The following LCORL variants were observed in gnomAD, a reference collection of about 807,000 sequenced individuals.
LCORL encodes the protein ligand dependent nuclear receptor corepressor like.
A neutral mutation model predicts 141.8 loss-of-function variants in LCORL; 41 were observed. That is an observed-to-expected ratio of 0.29 (90% CI 0.23 to 0.38). The LOEUF is 0.38. LCORL is among the 10% of genes least tolerant of loss of function. The pLI, the probability that LCORL is intolerant of heterozygous loss-of-function variation, is 1.00. For synonymous variants in LCORL, 618 were observed against 694.1 expected (o/e 0.89, Z 1.72); for missense variants, 1,759 against 2,035.0 (o/e 0.86, Z 2.61).
chr4:17,962,370 CTAAT>C (rs1238566903), intron 3 of LCORL, among the ~76,000 whole-genome samples: 3 of 151,976 alleles, frequency 2.0e-5, no homozygotes, highest in African/African-American at 7.2e-5. Context: ...TGTTTACCCA[CTAAT>C]CTGACCAAAA....
At chr4:17,975,722 G>A (rs1716821611) in intron 1 of LCORL, among the ~76,000 whole-genome samples, 1 of 152,070 alleles carries the variant, frequency 6.6e-6, no homozygotes, top group Non-Finnish European at 1.5e-5. Context: ...AAGATTCTTT[G>A]TGGTTGTAAA....
intron 1 of LCORL, among the ~76,000 whole-genome samples, chr4:17,990,658 T>G (rs1719840022): frequency 6.6e-6 from 1 of 151,808 alleles, no homozygotes; most frequent in South Asian, 2.1e-4. Context: ...TTTTTTTTTT[T>G]TTAGAGAATT....
intron 5 of LCORL, among the ~76,000 whole-genome samples, chr4:17,888,605 A>T (rs11944805): frequency 0.022 from 3,382 of 152,222 alleles, 118 homozygotes; most frequent in African/African-American, 0.071. Flanking sequence ...CGTGGACAGC[A>T]TCCTATAATA....
intron 1 of LCORL, among the ~76,000 whole-genome samples, chr4:17,993,254 G>A (rs1348814228): frequency 6.6e-6 from 1 of 152,056 alleles, no homozygotes; most frequent in East Asian, 1.9e-4. Context: ...GCCCAGGCTG[G>A]AGTGCAGTGG....
chr4:17,993,199 T>C (rs2109786555), intron 1 of LCORL, among the ~76,000 whole-genome samples: 1 of 152,266 alleles, frequency 6.6e-6, no homozygotes, highest in South Asian at 2.1e-4. Context: ...ATATTTTATT[T>C]AGTTTTATTA....
chr4:17,903,612 T>G (rs1259904662), intron 5 of LCORL, among the ~76,000 whole-genome samples: 1 of 152,106 alleles, frequency 6.6e-6, no homozygotes, highest in East Asian at 1.9e-4. Context: ...TCTACCACTT[T>G]CTGAGGCTCA....
chr4:17,898,219 A>C (rs780185047), intron 5 of LCORL, among the ~76,000 whole-genome samples: 2 of 152,126 alleles, frequency 1.3e-5, no homozygotes, highest in Non-Finnish European at 2.9e-5. Flanking sequence ...AATATATTCT[A>C]TTGCCCTTGG....
At chr4:17,882,124 T>G in intron 6 of LCORL, 1 of 984,328 alleles carries the variant, frequency 1.0e-6, no homozygotes, top group Non-Finnish European at 1.2e-6. Context: ...GTAAGCAGTT[T>G]TAAAATTTAA....
intron 6 of LCORL, among the ~76,000 whole-genome samples, chr4:17,878,478 A>G (rs1333219796): frequency 6.6e-6 from 1 of 151,452 alleles, no homozygotes; most frequent in Non-Finnish European, 1.5e-5. Flanking sequence ...TTACATTTAT[A>G]TATTGTCTGT....
chr4:17,980,486 T>C (rs1179231400), intron 1 of LCORL, among the ~76,000 whole-genome samples: 1 of 152,228 alleles, frequency 6.6e-6, no homozygotes, highest in East Asian at 1.9e-4. Flanking sequence ...TGTGATCCTC[T>C]TGTTTAAACA....
chr4:17,878,005 C>G lies in LCORL; in HGVS notation c.985G>C (p.Glu329Gln), dbSNP rs1029759006. 7 of 1,230,524 alleles carry G rather than the reference C, an allele frequency of 5.7e-6. No homozygotes were observed. In the East Asian group the frequency reaches 1.6e-4, roughly 28 times the overall value. 76.2% of individuals were successfully genotyped at this position (1,230,524 alleles called of 1,614,324 possible). Reference sequence around the variant, plus strand: ...CAGAACAGACCACATAAATCATCTTCGATTAAGGGCTTTTGAGATTCTGAA... The same window carrying G: ...CAGAACAGACCACATAAATCATCTTGGATTAAGGGCTTTTGAGATTCTGAA... The change falls in exon 7 of 8, where the codon GAA becomes CAA. Residue 329 changes from glutamate to glutamine, a missense_variant. By Grantham distance (29) the Glu-to-Gln change is conservative. This residue lies in a region of LCORL where 1,311 missense variants were observed against 1,531.3 expected (regional missense o/e 0.86). Transcript: ENST00000635767.
chr4:17,939,960 G>A (rs1226385073), intron 4 of LCORL, among the ~76,000 whole-genome samples: 3 of 148,460 alleles, frequency 2.0e-5, no homozygotes, highest in East Asian at 2.0e-4. Flanking sequence ...TACTATATAC[G>A]CATATACACA....
intron 4 of LCORL, chr4:17,912,078 C>A: frequency 1.4e-6 from 1 of 718,762 alleles, no homozygotes; most frequent in Non-Finnish European, 2.6e-6. Context: ...GAGACTGGAG[C>A]CATTACTTCA....
chr4:17,994,903 T>C (rs1720667662), intron 1 of LCORL, among the ~76,000 whole-genome samples: 1 of 151,972 alleles, frequency 6.6e-6, no homozygotes, highest in South Asian at 2.1e-4. Flanking sequence ...CAATGCCTGG[T>C]CCATGCTAGG....
chr4:17,948,924 T>C (rs148187172), intron 4 of LCORL, among the ~76,000 whole-genome samples: 14 of 152,116 alleles, frequency 9.2e-5, no homozygotes, highest in Non-Finnish European at 1.5e-4. Context: ...GAGTGATGAA[T>C]GAAGTCAAAT....
At chr4:17,983,072 TG>T (rs1460193645) in intron 1 of LCORL, among the ~76,000 whole-genome samples, 21 of 152,202 alleles carry the variant, frequency 1.4e-4, no homozygotes, top group Non-Finnish European at 2.4e-4. Context: ...ATTAGATAGT[TG>T]TAGGTATATG....
exon 7 of LCORL, chr4:17,876,802 T>C: frequency 4.1e-6 from 5 of 1,230,872 alleles, no homozygotes; most frequent in Non-Finnish European, 5.1e-6. Context: ...TTTCTTATGC[T>C]CATTTTCTCA....
intron 1 of LCORL, among the ~76,000 whole-genome samples, chr4:17,976,220 G>GT (rs958079814): frequency 1.3e-5 from 2 of 152,040 alleles, no homozygotes; most frequent in Admixed American, 1.3e-4. Flanking sequence ...GAAAATATCT[G>GT]TTTTTTGAGG....
chr4:17,967,508 T>C (rs964060213), intron 2 of LCORL, among the ~76,000 whole-genome samples: 2 of 152,204 alleles, frequency 1.3e-5, no homozygotes, highest in African/African-American at 2.4e-5. Flanking sequence ...CTCTCTGTAC[T>C]TTCTACTCAA....
Sources: gnomAD v4.1 joint callset for allele counts (sites outside exome capture counted in the v4.1 genomes callset) on GRCh38, gnomAD v4.1.1 for gene constraint, gnomAD v4.1.1 regional missense constraint, MANE v1.5 for transcripts, NCBI Gene and HGNC (gene_info 2026-07-23, HGNC 2026-07-21) for gene names.